Variants in DLGAP2 observed in about 807,000 individuals in gnomAD.
DLGAP2 encodes the protein DLG associated protein 2.
In DLGAP2, 26 loss-of-function variants were observed where a neutral mutation model predicts 100.3. That is an observed-to-expected ratio of 0.26 (90% CI 0.19 to 0.36). The LOEUF is 0.36. DLGAP2 is among the 10% of genes least tolerant of loss of function. DLGAP2 has a pLI of 1.00. For synonymous variants in DLGAP2, 886 were observed against 630.1 expected (o/e 1.41, Z -6.08); for missense variants, 1,858 against 1,453.2 (o/e 1.28, Z -4.53).
chr8:1,419,824 C>A (rs1352377440), intron 3 of DLGAP2, among the ~76,000 whole-genome samples: 1 of 152,128 alleles, frequency 6.6e-6, no homozygotes, highest in African/African-American at 2.4e-5. Context: ...ACTAAGCCAC[C>A]ATATGAGCCA....
chr8:1,560,450 A>G (rs796180126), intron 5 of DLGAP2, among the ~76,000 whole-genome samples: 2 of 152,120 alleles, frequency 1.3e-5, no homozygotes, highest in East Asian at 3.9e-4. Context: ...TTTAATAAAT[A>G]TTGTAAGCCA....
At chr8:1,429,997 C>CATATAT (rs1361890198) in intron 3 of DLGAP2, among the ~76,000 whole-genome samples, 2,991 of 19,362 alleles carry the variant, frequency 0.15, 517 homozygotes, top group Non-Finnish European at 0.28. Context: ...GGGAGAGATG[C>CATATAT]ATATATATAC....
At chr8:802,153 ACTCCTCCT>A (rs1796177898) in intron 1 of DLGAP2, among the ~76,000 whole-genome samples, 2 of 148,580 alleles carry the variant, frequency 1.3e-5, no homozygotes, top group Admixed American at 1.3e-4. Flanking sequence ...AATGGTCCGC[ACTCCTCCT>A]GGGTCCTCTG....
chr8:1,293,006 A>G (rs1292256228), intron 3 of DLGAP2, among the ~76,000 whole-genome samples: 1 of 151,806 alleles, frequency 6.6e-6, no homozygotes, highest in African/African-American at 2.4e-5. Flanking sequence ...TCTTTTTTCC[A>G]CATGCCTAAG....
At chr8:1,200,619 C>T (rs1049779838) in intron 2 of DLGAP2, among the ~76,000 whole-genome samples, 10 of 152,212 alleles carry the variant, frequency 6.6e-5, no homozygotes, top group African/African-American at 2.4e-4. Context: ...ACCAAAGCGT[C>T]ACTTGCGCTG....
chr8:1,478,240 T>C (rs1798989948), intron 3 of DLGAP2, among the ~76,000 whole-genome samples: 1 of 152,208 alleles, frequency 6.6e-6, no homozygotes, highest in Non-Finnish European at 1.5e-5. Context: ...CACTGGTGGC[T>C]TTCTCTGAAC....
chr8:876,999 G>GT (rs78770250), intron 1 of DLGAP2, among the ~76,000 whole-genome samples: 29,275 of 142,992 alleles, frequency 0.2, 3,731 homozygotes, highest in East Asian at 0.63. Flanking sequence ...TTTTTACCAG[G>GT]TTTTTTTTTT....
rs533996707 is a variant in DLGAP2, at chr8:1,339,146, C to T, written c.106+80263C>T. On this transcript the variant is annotated intron_variant, in intron 3 of 14. Coordinates refer to ENST00000637795, the MANE Select transcript of DLGAP2 (RefSeq NM_001346810.2). Reference sequence around the variant, plus strand: ...GAATGCAGTGACCTCAGTGAGGCATCAGGACCCGGGAGGGAAGGCAGTGAC... The same window carrying T: ...GAATGCAGTGACCTCAGTGAGGCATTAGGACCCGGGAGGGAAGGCAGTGAC... Among the ~76,000 whole-genome samples the T allele has an allele frequency of 1.4e-3, 208 of 148,568 alleles. 1 individual carries two copies. The highest frequency in any genetic ancestry group is 3.6e-3 in the Middle Eastern group (1 of 276).
intron 3 of DLGAP2, among the ~76,000 whole-genome samples, chr8:1,364,544 T>G (rs1271533021): frequency 6.6e-6 from 1 of 151,634 alleles, no homozygotes; most frequent in East Asian, 1.9e-4. Context: ...CCTGGAGGAC[T>G]GGGGCTGGCG....
intron 1 of DLGAP2, among the ~76,000 whole-genome samples, chr8:888,173 A>G (rs771866939): frequency 3.3e-5 from 5 of 152,112 alleles, no homozygotes; most frequent in South Asian, 2.1e-4. Flanking sequence ...CACTTGGTCA[A>G]TTAAGCTATT....
At chr8:826,094 A>C (rs1796680971) in intron 1 of DLGAP2, among the ~76,000 whole-genome samples, 1 of 152,214 alleles carries the variant, frequency 6.6e-6, no homozygotes, top group Non-Finnish European at 1.5e-5. Context: ...TTCTGTGCCC[A>C]GCTTATTTCA....
chr8:1,310,811 C>T (rs1358089033), intron 3 of DLGAP2, among the ~76,000 whole-genome samples: 1 of 152,096 alleles, frequency 6.6e-6, no homozygotes, highest in Non-Finnish European at 1.5e-5. Flanking sequence ...GCACCCACCA[C>T]CACACCCAGC....
intron 2 of DLGAP2, among the ~76,000 whole-genome samples, chr8:1,069,916 G>A (rs1161676769): frequency 1.3e-5 from 2 of 152,140 alleles, no homozygotes; most frequent in African/African-American, 2.4e-5. Context: ...TCCTCCTTTT[G>A]CCAGGCTGAA....
intron 2 of DLGAP2, among the ~76,000 whole-genome samples, chr8:952,768 A>AT (rs1295057721): frequency 1.3e-5 from 2 of 152,322 alleles, no homozygotes; most frequent in Non-Finnish European, 2.9e-5. Context: ...ATTTTATGTT[A>AT]TTTTTTCAGA....
At chr8:1,269,660 C>G (rs966283282) in intron 3 of DLGAP2, among the ~76,000 whole-genome samples, 19 of 152,112 alleles carry the variant, frequency 1.2e-4, no homozygotes, top group Non-Finnish European at 2.5e-4. Flanking sequence ...GTAAAATGAC[C>G]TTGGAAGGAA....
intron 2 of DLGAP2, among the ~76,000 whole-genome samples, chr8:997,823 T>TA (rs769430269): frequency 9.2e-5 from 14 of 152,186 alleles, no homozygotes; most frequent in Non-Finnish European, 1.8e-4. Context: ...TATGCATACA[T>TA]ACAAACACGC....
At chr8:1,106,351 G>C (rs976540720) in intron 2 of DLGAP2, among the ~76,000 whole-genome samples, 4 of 135,822 alleles carry the variant, frequency 2.9e-5, no homozygotes, top group African/African-American at 1.1e-4. Context: ...TTTCTATTGA[G>C]GGGAGCCATT....
At chr8:1,295,441 G>A (rs1188904296) in intron 3 of DLGAP2, among the ~76,000 whole-genome samples, 8 of 152,150 alleles carry the variant, frequency 5.3e-5, no homozygotes, top group Admixed American at 5.2e-4. Context: ...GGAGGGGAGG[G>A]AAGCCAGGAA....
chr8:1,177,258 C>A (rs1289642177), intron 2 of DLGAP2, among the ~76,000 whole-genome samples: 1 of 152,018 alleles, frequency 6.6e-6, no homozygotes, highest in Non-Finnish European at 1.5e-5. Flanking sequence ...ATTTTAGATC[C>A]CTTGCCATTG....
Sources: allele counts gnomAD v4.1 joint callset (sites outside exome capture counted in the v4.1 genomes callset), GRCh38; gene constraint gnomAD v4.1.1; transcripts MANE v1.5; gene names NCBI Gene and HGNC (gene_info 2026-07-23, HGNC 2026-07-21).